The following TRAPPC6B variants were observed in gnomAD, a reference collection of about 807,000 sequenced individuals.
TRAPPC6B encodes the protein trafficking protein particle complex subunit 6B.
TRAPPC6B carries 27 observed loss-of-function variants against 24.7 expected under a neutral mutation model. The observed-to-expected ratio is 1.09, with a 90% CI of 0.81 to 1.51. TRAPPC6B has a LOEUF of 1.51. Ranked by LOEUF, TRAPPC6B falls within the 40% of genes most tolerant of loss-of-function variation. The pLI, the probability that TRAPPC6B is intolerant of heterozygous loss-of-function variation, is 0.00. For synonymous variants in TRAPPC6B, 80 were observed against 66.6 expected, an observed-to-expected ratio of 1.20 and a Z score of -0.98; for missense variants, 212 against 190.8, an observed-to-expected ratio of 1.11 and a Z score of -0.66.
rs369583220 is a variant in TRAPPC6B, at chr14:39,148,454, GA to G, written c.*1895del. 5,778 of 340,926 alleles carry G rather than the reference GA, an allele frequency of 0.017. 253 individuals carry two copies. The highest frequency in any genetic ancestry group is 0.1 in the African/African-American group (4,859 of 46,436). 21.1% of individuals were successfully genotyped at this position (340,926 alleles called of 1,614,324 possible). Reference sequence around the variant, plus strand: ...TACAGAGTTTTAGGCCAAAAAAAAAGAAAAAAAAAATGGGGCTTTGTCAGCA... The same window carrying G: ...TACAGAGTTTTAGGCCAAAAAAAAAGAAAAAAAAATGGGGCTTTGTCAGCA... On this transcript the variant is annotated 3_prime_UTR_variant, in exon 6 of 6. Coordinates refer to ENST00000330149, the MANE Select transcript of TRAPPC6B (RefSeq NM_001079537.2).
chr14:39,156,714 T>C (rs1314906040), intron 3 of TRAPPC6B: 1 of 152,158 alleles, frequency 6.6e-6, no homozygotes, highest in African/African-American at 2.4e-5. Flanking sequence ...TAGAAATGAC[T>C]ATAAAGAATC....
intron 1 of TRAPPC6B, 150 bp from the exon 2 acceptor site, chr14:39,159,700 GATTTT>G (rs2053032349): frequency 2.1e-6 from 1 of 477,904 alleles, no homozygotes; most frequent in Non-Finnish European, 3.5e-6. Context: ...TTATAAGGTT[GATTTT>G]ATTTATTTTA....
chr14:39,166,087 C>A (rs113320170), intron 1 of TRAPPC6B, among the ~76,000 whole-genome samples: 2,634 of 152,092 alleles, frequency 0.017, 85 homozygotes, highest in African/African-American at 0.061. Context: ...CAGGCCTGAG[C>A]CACCGTGTCC....
intron 1 of TRAPPC6B, among the ~76,000 whole-genome samples, chr14:39,164,779 G>A (rs1026170229): frequency 4.6e-5 from 7 of 152,224 alleles, no homozygotes; most frequent in Non-Finnish European, 7.3e-5. Flanking sequence ...AGAGGTTTCA[G>A]TGAGCCAATA....
Position 39,154,240 on chromosome 14 carries a change from C to T in TRAPPC6B, c.322G>A (p.Gly108Arg), listed in dbSNP as rs2052949559. 6.2e-7 allele frequency: 1 copy of T among 1,612,834 alleles called. No individual in the cohort carries two copies. Among genetic ancestry groups the T allele is most frequent in the Non-Finnish European group, 8.5e-7 (1 of 1,179,324 alleles). Reference protein sequence around the residue: ...KFRLLTQMSAGKQYLEHASKY... With the variant: ...KFRLLTQMSARKQYLEHASKY... ...GATGCATGTTCTAAATACTGTTTTC[C>T]TGCAGACATCTGAGTAAGCAGGCGA... The change falls in exon 4 of 6, where the codon GGA becomes AGA. Residue 108 changes from glycine to arginine, a missense_variant. Gly to Arg is a moderately radical substitution (Grantham distance 125, BLOSUM62 -2). Transcript: ENST00000330149.
intron 1 of TRAPPC6B, among the ~76,000 whole-genome samples, chr14:39,160,660 GAA>G (rs1162791231): frequency 6.6e-6 from 1 of 151,660 alleles, no homozygotes; most frequent in Non-Finnish European, 1.5e-5. Context: ...AAGAGAGAGA[GAA>G]AGAGACAGAA....
At chr14:39,157,469 G>A (rs1014983801) in intron 3 of TRAPPC6B, 4 of 360,182 alleles carry the variant, frequency 1.1e-5, no homozygotes, top group African/African-American at 4.3e-5. Flanking sequence ...CTTGTCCTCC[G>A]AGCAGGAGTT....
chr14:39,163,373 G>GA lies in TRAPPC6B; in HGVS notation c.82-3824dup, dbSNP rs796850720. On this transcript the variant is annotated intron_variant, in intron 1 of 5. Coordinates refer to ENST00000330149, the MANE Select transcript of TRAPPC6B (RefSeq NM_001079537.2). ...GTGACAGGGCGAGACTTCATCACCA[G>GA]AAAAAAAAAAAAAAAAAAGACCAGC... Among the ~76,000 whole-genome samples the GA allele has an allele frequency of 3.1e-3, 302 of 97,640 alleles. 2 individuals are homozygous for GA. The highest frequency in any genetic ancestry group is 0.02 in the East Asian group (69 of 3,510). The allele number at this position is 97,640 out of a possible 152,430, so 64.1% of individuals were successfully genotyped here.
intron 1 of TRAPPC6B, among the ~76,000 whole-genome samples, chr14:39,168,213 T>A (rs71407780): frequency 0.38 from 31,704 of 82,876 alleles, 3,959 homozygotes; most frequent in Middle Eastern, 0.53. Flanking sequence ...CAAAACTCCA[T>A]CTAAAAAAAA....
chr14:39,150,337 A>G lies in TRAPPC6B; in HGVS notation c.*13T>C. ...TCTCTTTACACTGTTGAAGCCTTGC[A>G]TTTCAGTATGTTCTACAGCTTCTGT... On this transcript the variant is annotated 3_prime_UTR_variant, in exon 6 of 6. Coordinates refer to ENST00000330149, the MANE Select transcript of TRAPPC6B (RefSeq NM_001079537.2). The G allele has an allele frequency of 6.3e-7, 1 of 1,581,906 alleles. No individual in the cohort carries two copies. The highest frequency in any genetic ancestry group is 8.5e-7 in the Non-Finnish European group (1 of 1,170,262).
At position 39,149,855 on chromosome 14, in the gene TRAPPC6B, C is replaced by A. The variant is rs936698178; in HGVS notation, c.*495G>T. The A allele has an allele frequency of 4.6e-5, 7 of 152,190 alleles. No homozygotes were observed. The highest frequency in any genetic ancestry group is 1.7e-4 in the African/African-American group (7 of 41,380). The allele number at this position is 152,190 out of a possible 1,614,324, so 9.4% of individuals were successfully genotyped here. ...ATATGTATTTATATATACACACATACAATGTATATATGAAATCCTTATACA... is the reference window on the plus strand; with the variant it reads ...ATATGTATTTATATATACACACATAAAATGTATATATGAAATCCTTATACA... On this transcript the variant is annotated 3_prime_UTR_variant, in exon 6 of 6. Transcript: ENST00000330149.
At position 39,170,162 on chromosome 14, in the gene TRAPPC6B, G is replaced by T. The variant is rs2053154440; in HGVS notation, c.-67C>A. On this transcript the variant is annotated 5_prime_UTR_variant, in exon 1 of 6. Coordinates refer to ENST00000330149, the MANE Select transcript of TRAPPC6B (RefSeq NM_001079537.2). Reference sequence around the variant, plus strand: ...TGAGCTGGTCTGGGGGTTCCAGCTCGCGCCTCAGCGACTTCGCCGGCGCCG... The same window carrying T: ...TGAGCTGGTCTGGGGGTTCCAGCTCTCGCCTCAGCGACTTCGCCGGCGCCG... The T allele has an allele frequency of 3.3e-6, 5 of 1,526,296 alleles. No homozygotes were observed. The highest frequency in any genetic ancestry group is 3.6e-6 in the Non-Finnish European group (4 of 1,110,652). 94.5% of individuals were successfully genotyped at this position (1,526,296 alleles called of 1,614,324 possible).
At chr14:39,166,196 T>C (rs558396680) in intron 1 of TRAPPC6B, among the ~76,000 whole-genome samples, 2 of 151,506 alleles carry the variant, frequency 1.3e-5, no homozygotes, top group African/African-American at 4.9e-5. Flanking sequence ...CACCTCAGCC[T>C]TCCAAAGTGC....
At chr14:39,155,351 C>G (rs1470523123) in intron 3 of TRAPPC6B, among the ~76,000 whole-genome samples, 1 of 152,128 alleles carries the variant, frequency 6.6e-6, no homozygotes, top group Non-Finnish European at 1.5e-5. Flanking sequence ...AAGTGATTCT[C>G]CTGCCTCAGC....
chr14:39,160,007 G>A (rs1452006023), intron 1 of TRAPPC6B, among the ~76,000 whole-genome samples: 2 of 151,994 alleles, frequency 1.3e-5, no homozygotes, highest in Non-Finnish European at 2.9e-5. Flanking sequence ...ATTTTTAGTA[G>A]AGAAAATACA....
At chr14:39,164,108 T>C (rs2053084431) in intron 1 of TRAPPC6B, among the ~76,000 whole-genome samples, 1 of 143,568 alleles carries the variant, frequency 7.0e-6, no homozygotes, top group African/African-American at 3.0e-5. Context: ...AGCTATAGCT[T>C]TCCAACTGGT....
intron 3 of TRAPPC6B, among the ~76,000 whole-genome samples, chr14:39,154,606 G>A (rs1010963852): frequency 3.9e-5 from 6 of 152,052 alleles, no homozygotes; most frequent in Non-Finnish European, 8.8e-5. Flanking sequence ...TTCTTGTACA[G>A]ATGGGGTTTC....
intron 3 of TRAPPC6B, among the ~76,000 whole-genome samples, chr14:39,155,136 C>T (rs2052961390): frequency 6.6e-6 from 1 of 152,068 alleles, no homozygotes; most frequent in Admixed American, 6.6e-5. Context: ...CCCTATGTTG[C>T]CTAGGCTGGT....
chr14:39,161,738 G>A (rs1046860307), intron 1 of TRAPPC6B, among the ~76,000 whole-genome samples: 2 of 152,144 alleles, frequency 1.3e-5, no homozygotes, highest in Admixed American at 1.3e-4. Context: ...CTAGCCTCCA[G>A]GTACACTTCA....
Sources: gnomAD v4.1 joint callset for allele counts (sites outside exome capture counted in the v4.1 genomes callset) on GRCh38, gnomAD v4.1.1 for gene constraint, MANE v1.5 for transcripts, NCBI Gene and HGNC (gene_info 2026-07-23, HGNC 2026-07-21) for gene names.